The following ZNF732 variants were observed in gnomAD, a reference collection of about 807,000 sequenced individuals.
ZNF732 encodes the protein zinc finger protein 732, also known as zinc finger protein LOC654254.
Under a neutral mutation model 11.5 loss-of-function variants are expected in ZNF732, and 12 were observed. The observed-to-expected ratio is 1.05, with a 90% confidence interval of 0.67 to 1.70. ZNF732 has a LOEUF of 1.70. Ranked by LOEUF, ZNF732 falls within the 40% of genes most tolerant of loss-of-function variation. The pLI, the probability that ZNF732 is intolerant of heterozygous loss-of-function variation, is 0.00. For missense variants in ZNF732, 702 were observed against 676.9 expected (o/e 1.04, Z -0.41); for synonymous variants, 231 against 236.5 (o/e 0.98, Z 0.21).
rs1210095949 is a variant in ZNF732 at position 271,842 on chromosome 4, A to G, written c.1015T>C (p.Cys339Arg). 1 of 1,613,714 alleles carries G rather than the reference A, an allele frequency of 6.2e-7. No individual in the cohort carries two copies. The highest frequency in any genetic ancestry group is 1.3e-5 in the African/African-American group (1 of 75,062). Reference protein sequence around the residue: ...TGEKPYTCEECGKAFSRSSVL... With the variant: ...TGEKPYTCEERGKAFSRSSVL... The stretch of plus-strand genomic sequence containing the variant: ...GAGGACCTACTAAAGGCTTTGCCAC[A>G]TTCTTCACATGTGTAGGGTTTCTCT... The change falls in exon 4 of 4, where the codon TGT (cysteine) becomes CGT (arginine). Residue 339 changes from cysteine (C) to arginine (R), a missense_variant. Cys to Arg is a radical substitution (Grantham distance 180). Around this residue, in one of 3 missense-constraint regions of ZNF732, gnomAD observed 596 missense variants for 557.9 expected, o/e 1.07. Coordinates refer to ENST00000419098, the MANE Select transcript of ZNF732 (RefSeq NM_001137608.3).
At chr4:298,385 A>C (rs1720006972) in intron 1 of ZNF732, among the ~76,000 whole-genome samples, 1 of 151,904 alleles carries the variant, frequency 6.6e-6, no homozygotes, top group South Asian at 2.1e-4. Context: ...TAGCTTATGG[A>C]TTAGTTTGAG....
intron 3 of ZNF732, among the ~76,000 whole-genome samples, chr4:281,781 C>G (rs1553839858): frequency 6.6e-6 from 1 of 152,126 alleles, no homozygotes; most frequent in East Asian, 1.9e-4. Context: ...CAAAACAAAG[C>G]CTCATGAATT....
At chr4:277,448 T>C (rs782086611) in intron 3 of ZNF732, among the ~76,000 whole-genome samples, 4 of 152,020 alleles carry the variant, frequency 2.6e-5, no homozygotes, top group Admixed American at 1.3e-4. Context: ...AATTTAAACA[T>C]AGGCAAGAGG....
intron 3 of ZNF732, among the ~76,000 whole-genome samples, chr4:284,592 A>G (rs782078821): frequency 1.3e-4 from 19 of 151,996 alleles, no homozygotes; most frequent in Non-Finnish European, 2.5e-4. Flanking sequence ...GACAACAAAT[A>G]CTGGGTGCAG....
intron 3 of ZNF732, among the ~76,000 whole-genome samples, chr4:274,294 GAAGTT>G (rs1274267804): frequency 1.3e-5 from 2 of 151,506 alleles, no homozygotes; most frequent in African/African-American, 4.8e-5. Flanking sequence ...AAATTCAATG[GAAGTT>G]AAGTTTTTAC....
At chr4:292,523 C>T (rs1403675798) in intron 3 of ZNF732, among the ~76,000 whole-genome samples, 1 of 148,112 alleles carries the variant, frequency 6.8e-6, no homozygotes, top group Non-Finnish European at 1.5e-5. Flanking sequence ...TGCCACTGCA[C>T]TCCAGCCTGA....
At chr4:297,469 T>C (rs919723479) in intron 1 of ZNF732, among the ~76,000 whole-genome samples, 2 of 152,042 alleles carry the variant, frequency 1.3e-5, no homozygotes, top group Non-Finnish European at 2.9e-5. Flanking sequence ...GAATTACCAT[T>C]TCCTTTCTAT....
intron 1 of ZNF732, among the ~76,000 whole-genome samples, chr4:301,692 G>C (rs1164379327): frequency 6.6e-6 from 1 of 152,164 alleles, no homozygotes; most frequent in Non-Finnish European, 1.5e-5. Context: ...CACAGGATGG[G>C]GAACATCACA....
intron 3 of ZNF732, among the ~76,000 whole-genome samples, chr4:281,250 T>TA (rs1239797310): frequency 5.9e-5 from 9 of 152,128 alleles, no homozygotes; most frequent in Non-Finnish European, 1.2e-4. Flanking sequence ...CAGGGAGAAA[T>TA]ACCGTTAACC....
At chr4:301,934 C>T (rs1173842009) in intron 1 of ZNF732, among the ~76,000 whole-genome samples, 1 of 152,122 alleles carries the variant, frequency 6.6e-6, no homozygotes, top group Non-Finnish European at 1.5e-5. Flanking sequence ...CATGTGTGAT[C>T]CTGATTGGGA....
chr4:295,816 T>C (rs1719938844), intron 2 of ZNF732, among the ~76,000 whole-genome samples: 1 of 152,142 alleles, frequency 6.6e-6, no homozygotes, highest in Admixed American at 6.6e-5. Flanking sequence ...TAACCTAAAA[T>C]GGAGGACACA....
At chr4:298,372 A>T (rs143895137) in intron 1 of ZNF732, among the ~76,000 whole-genome samples, 1 of 152,282 alleles carries the variant, frequency 6.6e-6, no homozygotes, top group East Asian at 1.9e-4. Flanking sequence ...AAATAGAAGT[A>T]ATTAGCTTAT....
Position 272,424 on chromosome 4 carries a change from C to T in ZNF732, c.433G>A (p.Val145Ile), listed in dbSNP as rs556792481. Residue 145 changes from valine (V) to isoleucine (I), a missense_variant, in exon 4 of 4, where the codon GTA becomes ATA. Transcript: ENST00000419098. ...AATGTACTAAATACTTTGACATGTA[C>T]ATTACACTGAAATATTTTGCTCTGG... The part of the protein sequence containing the change: ...TIQSKIFQCN[V>I]HVKVFSTFSN... 6.3e-6 allele frequency: 10 copies of T among 1,597,056 alleles called. No homozygotes were observed. In the South Asian group the frequency reaches 6.7e-5, roughly 11 times the overall value.
At chr4:281,246 G>A (rs556136374) in intron 3 of ZNF732, among the ~76,000 whole-genome samples, 10 of 152,292 alleles carry the variant, frequency 6.6e-5, no homozygotes, top group Non-Finnish European at 1.0e-4. Context: ...TCCACAGGGA[G>A]AAATACCGTT....
At chr4:288,458 T>A (rs530034494) in intron 3 of ZNF732, among the ~76,000 whole-genome samples, 18 of 152,362 alleles carry the variant, frequency 1.2e-4, no homozygotes, top group African/African-American at 3.8e-4. Context: ...ATTTTTCCCA[T>A]GTGGATACAG....
At chr4:282,043 A>G (rs1484116462) in intron 3 of ZNF732, among the ~76,000 whole-genome samples, 1 of 152,226 alleles carries the variant, frequency 6.6e-6, no homozygotes, top group African/African-American at 2.4e-5. Flanking sequence ...TGAAGTACAC[A>G]ATAGTAGAAC....
Sources: allele counts gnomAD v4.1 joint callset (sites outside exome capture counted in the v4.1 genomes callset), GRCh38; gene constraint gnomAD v4.1.1; regional missense constraint gnomAD v4.1.1; transcripts MANE v1.5; gene names NCBI Gene and HGNC (gene_info 2026-07-23, HGNC 2026-07-21).